The following MALRD1 variants were observed in gnomAD, a reference collection of about 807,000 sequenced individuals.
MALRD1 encodes MAM and LDL-receptor class A domain-containing protein 1.
A neutral mutation model predicts 242.1 loss-of-function variants in MALRD1; 247 were observed. The ratio of observed to expected loss-of-function variants is 1.02; its 90% CI spans 0.92 to 1.13. The LOEUF (loss-of-function observed/expected upper bound fraction) is 1.13, where lower values mean the gene tolerates loss of function less well. Ranked by LOEUF, MALRD1 falls within the 50% of genes most tolerant of loss-of-function variation. MALRD1 has a pLI of 0.00. For synonymous variants in MALRD1, 995 were observed against 866.6 expected (o/e 1.15, Z -2.60); for missense variants, 2,989 against 2,533.1 (o/e 1.18, Z -3.86).
intron 4 of MALRD1, among the ~76,000 whole-genome samples, chr10:19,096,148 G>T (rs1836023241): frequency 6.6e-6 from 1 of 152,162 alleles, no homozygotes. Context: ...GCTGGAACTT[G>T]CTATATCTTG....
At chr10:19,558,190 A>G (rs990272583) in intron 32 of MALRD1, among the ~76,000 whole-genome samples, 4 of 152,086 alleles carry the variant, frequency 2.6e-5, no homozygotes, top group African/African-American at 4.8e-5. Flanking sequence ...CATGTCATCT[A>G]TGAACAGTTT....
chr10:19,165,266 T>TATATATATATATA (rs1554801500), intron 12 of MALRD1, among the ~76,000 whole-genome samples: 57 of 116,154 alleles, frequency 4.9e-4, no homozygotes, highest in African/African-American at 1.2e-3. Flanking sequence ...TATATATATA[T>TATATATATATATA]TTTGTTTTGT....
intron 36 of MALRD1, among the ~76,000 whole-genome samples, chr10:19,658,967 A>C (rs975157060): frequency 6.6e-6 from 1 of 152,190 alleles, no homozygotes; most frequent in Non-Finnish European, 1.5e-5. Context: ...TGGAAAACAA[A>C]TGGTTTGTTA....
chr10:19,451,553 G>T (rs951757911), intron 29 of MALRD1, among the ~76,000 whole-genome samples: 1 of 152,190 alleles, frequency 6.6e-6, no homozygotes, highest in African/African-American at 2.4e-5. Context: ...GCCAGTGAAA[G>T]ATATGCCTTC....
intron 36 of MALRD1, among the ~76,000 whole-genome samples, chr10:19,690,329 G>A (rs964960688): frequency 6.6e-6 from 1 of 152,032 alleles, no homozygotes; most frequent in Non-Finnish European, 1.5e-5. Context: ...CTGCTCTGTG[G>A]AAAATCAATC....
chr10:19,632,347 C>T (rs1326991), intron 36 of MALRD1, among the ~76,000 whole-genome samples: 7,371 of 152,030 alleles, frequency 0.048, 235 homozygotes, highest in Middle Eastern at 0.11. Context: ...TTCCGTAGGC[C>T]AAGAACAGCA....
intron 26 of MALRD1, among the ~76,000 whole-genome samples, chr10:19,380,438 T>A (rs11009669): frequency 2.6e-5 from 4 of 151,804 alleles, no homozygotes; most frequent in Non-Finnish European, 5.9e-5. Context: ...TCCCCTCAGC[T>A]GTTCAGTAGT....
At chr10:19,088,569 T>TA (rs889403059) in intron 4 of MALRD1, among the ~76,000 whole-genome samples, 3 of 90,208 alleles carry the variant, frequency 3.3e-5, no homozygotes, top group Non-Finnish European at 6.4e-5. Flanking sequence ...TAAAGTTTTT[T>TA]TTTATTTATT....
At chr10:19,589,998 C>T (rs144617469) in intron 33 of MALRD1, among the ~76,000 whole-genome samples, 72 of 152,236 alleles carry the variant, frequency 4.7e-4, no homozygotes, top group African/African-American at 1.7e-3. Flanking sequence ...TTCCCTTGCA[C>T]GGTCACTGGC....
chr10:19,087,735 C>A (rs1158108362), intron 2 of MALRD1, 105 bp from the exon 3 acceptor site: 2 of 471,322 alleles, frequency 4.2e-6, no homozygotes, highest in Non-Finnish European at 6.8e-6. Context: ...TTTGAATGTA[C>A]AGTGAAATTA....
At chr10:19,626,280 C>A (rs1449138121) in intron 36 of MALRD1, among the ~76,000 whole-genome samples, 1 of 145,660 alleles carries the variant, frequency 6.9e-6, no homozygotes, top group African/African-American at 2.5e-5. Flanking sequence ...AAGGCATTTT[C>A]CCTTAAAATC....
chr10:19,680,764 G>A (rs1338945713), intron 36 of MALRD1, among the ~76,000 whole-genome samples: 2 of 152,116 alleles, frequency 1.3e-5, no homozygotes, highest in African/African-American at 4.8e-5. Context: ...TGTTTTTGTA[G>A]TGGCTGGTAA....
chr10:19,634,502 A>G (rs1430811751), intron 36 of MALRD1, among the ~76,000 whole-genome samples: 1 of 152,182 alleles, frequency 6.6e-6, no homozygotes, highest in Non-Finnish European at 1.5e-5. Context: ...ATTCAAGTGT[A>G]GCAGGTTTAA....
chr10:19,692,834 T>C (rs1833150253), intron 38 of MALRD1, among the ~76,000 whole-genome samples: 1 of 140,964 alleles, frequency 7.1e-6, no homozygotes, highest in African/African-American at 2.6e-5. Context: ...ATATATGAAA[T>C]TATATATATA....
intron 36 of MALRD1, among the ~76,000 whole-genome samples, chr10:19,635,452 A>G (rs1193525906): frequency 3.3e-5 from 5 of 152,200 alleles, no homozygotes; most frequent in African/African-American, 1.2e-4. Flanking sequence ...AGGCATAAAA[A>G]CTAGTCCCTG....
intron 26 of MALRD1, among the ~76,000 whole-genome samples, chr10:19,378,356 A>G (rs951804899): frequency 3.3e-5 from 5 of 152,148 alleles, no homozygotes; most frequent in Admixed American, 6.6e-5. Flanking sequence ...TTGAATGAAT[A>G]TGTTGTCAAA....
At chr10:19,338,332 C>T (rs913284565) in intron 24 of MALRD1, among the ~76,000 whole-genome samples, 1 of 149,904 alleles carries the variant, frequency 6.7e-6, no homozygotes, top group Non-Finnish European at 1.5e-5. Context: ...CTTGTTTATT[C>T]CTCTCTACCC....
chr10:19,638,093 C>T lies in MALRD1; in HGVS notation c.6137+22170C>T, dbSNP rs575482854. Among the ~76,000 whole-genome samples the T allele has an allele frequency of 2.5e-3, 262 of 103,102 alleles. 1 individual carries two copies. The highest frequency in any genetic ancestry group is 6.7e-3 in the Middle Eastern group (1 of 150). 67.6% of individuals were successfully genotyped at this position (103,102 alleles called of 152,430 possible). ...TGTAGCCTGGGCAACAAGAGAGAAA[C>T]TCACTCTCAAAAAAAAAAAAAAAAA... On this transcript the variant is annotated intron_variant, in intron 36 of 39. Coordinates refer to ENST00000454679, the MANE Select transcript of MALRD1 (RefSeq NM_001142308.3).
intron 2 of MALRD1, among the ~76,000 whole-genome samples, chr10:19,078,849 T>C (rs1835398236): frequency 1.3e-5 from 2 of 151,824 alleles, no homozygotes; most frequent in Admixed American, 6.6e-5. Flanking sequence ...TTATGTAAGG[T>C]TAGAAGTTCT....
Sources: allele counts gnomAD v4.1 joint callset (sites outside exome capture counted in the v4.1 genomes callset), GRCh38; gene constraint gnomAD v4.1.1; transcripts MANE v1.5; gene names NCBI Gene and HGNC (gene_info 2026-07-23, HGNC 2026-07-21).